The following DMD variants were observed in gnomAD, a reference collection of about 807,000 sequenced individuals.
The protein encoded by DMD is mutant dystrophin.
Under a neutral mutation model 330.1 loss-of-function variants are expected in DMD, and 63 were observed. That is an observed-to-expected ratio of 0.19 (90% CI 0.16 to 0.24). The LOEUF (loss-of-function observed/expected upper bound fraction) is 0.24. DMD is among the 10% of genes least tolerant of loss of function. The pLI is 1.00. For missense variants in DMD, 3,344 were observed against 2,684.1 expected (o/e 1.25, Z -5.43); for synonymous variants, 1,223 against 959.8 (o/e 1.27, Z -5.07).
chrX:31,384,886 G>A (rs530520892), intron 60 of DMD, among the ~76,000 whole-genome samples: 93 of 112,411 alleles, frequency 8.3e-4, no homozygotes, highest in African/African-American at 2.7e-3. Flanking sequence ...TTCTTTCAAC[G>A]ATGTGCGTAG....
At chrX:32,326,846 G>A (rs1014747876) in intron 41 of DMD, among the ~76,000 whole-genome samples, 1 of 109,348 alleles carries the variant, frequency 9.1e-6, no homozygotes, top group African/African-American at 3.4e-5. Context: ...GACAGAGGGT[G>A]CAGTGAGCCG....
chrX:33,276,330 T>TAATTAATTATTAATTAAAA (rs2053235078), intron 1 of DMD, among the ~76,000 whole-genome samples: 1 of 111,214 alleles, frequency 9.0e-6, no homozygotes, highest in Non-Finnish European at 1.9e-5. Flanking sequence ...TATTTCATTT[T>TAATTAATTATTAATTAAAA]TTAATTCTGT....
chrX:33,187,839 CAT>C (rs1221493534), intron 1 of DMD, among the ~76,000 whole-genome samples: 2 of 111,470 alleles, frequency 1.8e-5, no homozygotes, highest in Non-Finnish European at 3.8e-5. Flanking sequence ...TATACATACA[CAT>C]ATATATGTAT....
chrX:32,521,789 G>C (rs768740840), intron 17 of DMD, among the ~76,000 whole-genome samples: 5 of 111,967 alleles, frequency 4.5e-5, no homozygotes, highest in Non-Finnish European at 7.5e-5. Context: ...CTCCGCTATG[G>C]ACTGAATTTT....
At chrX:31,407,069 T>G (rs1048456725) in intron 60 of DMD, among the ~76,000 whole-genome samples, 2 of 112,664 alleles carry the variant, frequency 1.8e-5, no homozygotes, top group Non-Finnish European at 3.7e-5. Flanking sequence ...CTCATGAAAT[T>G]CAGTTATCTT....
At chrX:32,741,399 C>T (rs1234597682) in intron 7 of DMD, among the ~76,000 whole-genome samples, 1 of 111,214 alleles carries the variant, frequency 9.0e-6, no homozygotes, top group Non-Finnish European at 1.9e-5. Flanking sequence ...AGTTAGGATT[C>T]GAAACATACT....
intron 17 of DMD, among the ~76,000 whole-genome samples, chrX:32,526,220 C>A (rs896351335): frequency 8.9e-6 from 1 of 111,908 alleles, no homozygotes; most frequent in Non-Finnish European, 1.9e-5. Flanking sequence ...ACTTCTCATT[C>A]TCTGTTCACA....
At chrX:32,075,512 G>T (rs2096337201) in intron 44 of DMD, among the ~76,000 whole-genome samples, 1 of 111,772 alleles carries the variant, frequency 8.9e-6, no homozygotes, top group African/African-American at 3.3e-5. Flanking sequence ...AAACTTTAAT[G>T]TGAAGTTATT....
chrX:31,348,348 G>C (rs996977501), intron 61 of DMD: 1 of 448,205 alleles, frequency 2.2e-6, no homozygotes, highest in Non-Finnish European at 4.0e-6. Context: ...TGCATTAGCT[G>C]AAGACTGGAC....
chrX:32,394,748 A>T (rs2098028011), intron 30 of DMD, among the ~76,000 whole-genome samples: 1 of 109,041 alleles, frequency 9.2e-6, no homozygotes, highest in East Asian at 2.9e-4. Flanking sequence ...ACACTCAGAG[A>T]GGGTAGAGGG....
intron 61 of DMD, among the ~76,000 whole-genome samples, chrX:31,325,964 T>A (rs907534065): frequency 2.8e-5 from 3 of 107,432 alleles, no homozygotes; most frequent in African/African-American, 1.0e-4. Context: ...TTTTTTTTTT[T>A]ATCATTCTAG....
intron 11 of DMD, among the ~76,000 whole-genome samples, chrX:32,615,531 T>C (rs1229949884): frequency 8.9e-6 from 1 of 112,013 alleles, no homozygotes; most frequent in Non-Finnish European, 1.9e-5. Context: ...AAATACTCTT[T>C]ATAAACATCA....
intron 1 of DMD, among the ~76,000 whole-genome samples, chrX:33,172,896 CA>C (rs1209532700): frequency 9.0e-6 from 1 of 110,820 alleles, no homozygotes; most frequent in African/African-American, 3.3e-5. Flanking sequence ...AGATACTTGC[CA>C]TAAGGTGAGA....
At chrX:33,148,913 T>C (rs1352185363) in intron 1 of DMD, among the ~76,000 whole-genome samples, 2 of 110,413 alleles carry the variant, frequency 1.8e-5, no homozygotes, top group Non-Finnish European at 3.8e-5. Flanking sequence ...GTAAAGTCTT[T>C]GTTTCCTCCC....
chrX:31,668,041 T>C (rs890709923), intron 53 of DMD, among the ~76,000 whole-genome samples: 2 of 111,956 alleles, frequency 1.8e-5, no homozygotes, highest in African/African-American at 6.5e-5. Context: ...CATCTTTTCA[T>C]GTGCTTATGG....
At chrX:31,220,457 C>G (rs1420685991) in intron 64 of DMD, among the ~76,000 whole-genome samples, 2 of 111,960 alleles carry the variant, frequency 1.8e-5, no homozygotes, top group Non-Finnish European at 3.8e-5. Flanking sequence ...CCAGCAACAT[C>G]TGACCCTGGT....
At chrX:33,286,605 A>G (rs773009273) in intron 1 of DMD, among the ~76,000 whole-genome samples, 22 of 112,331 alleles carry the variant, frequency 2.0e-4, no homozygotes, top group Non-Finnish European at 3.6e-4. Flanking sequence ...TTTCACATAC[A>G]TTCCTATATC....
chrX:32,967,073 C>T (rs2092188274), intron 2 of DMD, among the ~76,000 whole-genome samples: 1 of 111,720 alleles, frequency 9.0e-6, no homozygotes, highest in Non-Finnish European at 1.9e-5. Flanking sequence ...AAAGCACTCC[C>T]GTAGGTACTG....
At chrX:33,060,837 CAAA>C (rs5902049) in intron 1 of DMD, among the ~76,000 whole-genome samples, 3 of 62,909 alleles carry the variant, frequency 4.8e-5, no homozygotes, top group African/African-American at 1.1e-4. Context: ...AACTTCATTT[CAAA>C]AAAAAAAAAA....
Sources: allele counts gnomAD v4.1 joint callset (sites outside exome capture counted in the v4.1 genomes callset), GRCh38; gene constraint gnomAD v4.1.1; transcripts MANE v1.5; gene names NCBI Gene and HGNC (gene_info 2026-07-23, HGNC 2026-07-21).